The following IKZF1 variants were observed in gnomAD, a reference collection of about 807,000 sequenced individuals.
IKZF1 encodes DNA-binding protein Ikaros.
A neutral mutation model predicts 51.7 loss-of-function variants in IKZF1; 10 were observed. The observed-to-expected ratio is 0.19, with a 90% CI of 0.12 to 0.33. IKZF1 has a LOEUF of 0.33. IKZF1 is among the 10% of genes least tolerant of loss of function. IKZF1 has a pLI of 1.00. For missense variants in IKZF1, 484 were observed against 707.5 expected (o/e 0.68, Z 3.58); for synonymous variants, 280 against 282.3 (o/e 0.99, Z 0.08).
In IKZF1 at chr7:50,305,335, A is replaced by G. The variant is rs1000179738; in HGVS notation, c.-15+413A>G. ...ATCGAGTCTGAACTTAATTTCTGCA[A>G]GAGAGGAATTATCCCGGCTTTGAAA... is the stretch of plus-strand genomic sequence containing the variant. On this transcript the variant is annotated intron_variant, in intron 1 of 7. Transcript: ENST00000331340. Among the ~76,000 whole-genome samples, 3 of 152,206 alleles carry G rather than the reference A, an allele frequency of 2.0e-5. No individual in the cohort carries two copies. In the East Asian group the frequency reaches 5.8e-4, roughly 29 times the overall value.
At chr7:50,379,297 C>A (rs1328955529) in intron 4 of IKZF1, among the ~76,000 whole-genome samples, 1 of 152,190 alleles carries the variant, frequency 6.6e-6, no homozygotes. Flanking sequence ...TGCACTGTGG[C>A]CATTGTTCCT....
chr7:50,323,567 C>T lies in IKZF1; in HGVS notation c.41-4071C>T, dbSNP rs186988743. On this transcript the variant is annotated intron_variant, in intron 2 of 7. Coordinates refer to ENST00000331340, the MANE Select transcript of IKZF1 (RefSeq NM_006060.6). ...CTCATAGGTAATGCTTTATTTGAAA[C>T]ATAGGCCATAGGTAAGTTAAGTGTA... Among the ~76,000 whole-genome samples, 95 of 152,336 alleles carry T rather than the reference C, an allele frequency of 6.2e-4. 1 individual carries two copies. Among genetic ancestry groups the T allele is most frequent in the African/African-American group, 2.1e-3 (88 of 41,568 alleles).
rs567729072 is a variant in IKZF1 at position 50,370,936 on chromosome 7, C to T, written c.161-5597C>T. On this transcript the variant is annotated intron_variant, in intron 3 of 7. Coordinates refer to ENST00000331340, the MANE Select transcript of IKZF1 (RefSeq NM_006060.6). ...TACCACAGCTAAGCAGTTCCAGCTC[C>T]GAGTAACAGAGGAAGGAGTGAGCGA... Among the ~76,000 whole-genome samples, 9 of 152,210 alleles carry T rather than the reference C, an allele frequency of 5.9e-5. No individual in the cohort carries two copies. The South Asian group carries it at 1.0e-3, about 18-fold the overall frequency.
intron 3 of IKZF1, among the ~76,000 whole-genome samples, chr7:50,363,443 A>G (rs1805858587): frequency 6.6e-6 from 1 of 152,102 alleles, no homozygotes; most frequent in Non-Finnish European, 1.5e-5. Context: ...CATCATCAGG[A>G]CTGACTGCAG....
rs1818002573 is a variant in IKZF1 at position 50,400,893 on chromosome 7, G to A, written c.*266G>A. The A allele has an allele frequency of 5.8e-6, 3 of 515,330 alleles. No individual in the cohort carries two copies. Among genetic ancestry groups the A allele is most frequent in the Non-Finnish European group, 1.0e-5 (3 of 291,552 alleles). 31.9% of individuals were successfully genotyped at this position (515,330 alleles called of 1,614,324 possible). A position where few individuals can be genotyped will look rare whatever the true frequency, so the allele number is the denominator to read the frequency against. ...GATGTTTCCCCAGACCGCTGGCTGAGATTCCCTCACCTGTCGCTTCCTAGA... is the reference window on the plus strand; with the variant it reads ...GATGTTTCCCCAGACCGCTGGCTGAAATTCCCTCACCTGTCGCTTCCTAGA... On this transcript the variant is annotated 3_prime_UTR_variant, in exon 8 of 8. Transcript: ENST00000331340. The surrounding 1 kb of genome is among the most constrained non-coding windows in gnomAD (Gnocchi z 5.4).
chr7:50,337,371 G>A (rs1798046789), intron 3 of IKZF1, among the ~76,000 whole-genome samples: 1 of 152,122 alleles, frequency 6.6e-6, no homozygotes, highest in African/African-American at 2.4e-5. Context: ...GCTGGGCCTG[G>A]GCCTGGACTA....
intron 4 of IKZF1, among the ~76,000 whole-genome samples, chr7:50,381,057 A>G (rs895484080): frequency 6.6e-6 from 1 of 152,200 alleles, no homozygotes; most frequent in African/African-American, 2.4e-5. Context: ...ATTGGCCTAT[A>G]ATTGAACATC....
intron 3 of IKZF1, among the ~76,000 whole-genome samples, chr7:50,356,319 C>G (rs896285240): frequency 6.6e-6 from 1 of 152,206 alleles, no homozygotes; most frequent in African/African-American, 2.4e-5. Flanking sequence ...GACAGATGGT[C>G]TGGAGCCAGC....
intron 3 of IKZF1, among the ~76,000 whole-genome samples, chr7:50,352,267 C>G (rs774897260): frequency 3.8e-4 from 58 of 152,330 alleles, no homozygotes; most frequent in Middle Eastern, 3.4e-3. Flanking sequence ...TTTGAATTCT[C>G]TTATCTGCTT....
intron 1 of IKZF1, among the ~76,000 whole-genome samples, chr7:50,309,134 G>A (rs916599618): frequency 1.3e-5 from 2 of 152,160 alleles, no homozygotes; most frequent in African/African-American, 4.8e-5. Context: ...TCGTGGCGCG[G>A]GGCCACGGCT....
At chr7:50,372,337 A>C (rs1584858582) in intron 3 of IKZF1, among the ~76,000 whole-genome samples, 1 of 151,990 alleles carries the variant, frequency 6.6e-6, no homozygotes, top group Non-Finnish European at 1.5e-5. Context: ...GGTGTTGCCC[A>C]CTCTGTTCCC....
At chr7:50,374,719 G>A (rs1036186313) in intron 3 of IKZF1, among the ~76,000 whole-genome samples, 1 of 152,180 alleles carries the variant, frequency 6.6e-6, no homozygotes, top group Non-Finnish European at 1.5e-5. Flanking sequence ...TTAGGCTGGT[G>A]CTATAATAAT....
At chr7:50,352,588 G>A (rs765606553) in intron 3 of IKZF1, among the ~76,000 whole-genome samples, 13 of 152,162 alleles carry the variant, frequency 8.5e-5, no homozygotes, top group African/African-American at 2.7e-4. Context: ...TCAATGGGAC[G>A]GGATGGGATT....
chr7:50,362,509 A>G (rs924137794), intron 3 of IKZF1, among the ~76,000 whole-genome samples: 6 of 152,140 alleles, frequency 3.9e-5, no homozygotes, highest in African/African-American at 9.7e-5. Flanking sequence ...AGCTAATCCT[A>G]TGGGTCTTGA....
chr7:50,400,091 C>T lies in IKZF1; in HGVS notation c.1024C>T (p.Pro342Ser), dbSNP rs2153518061. The change falls in exon 8 of 8, where the codon CCG (proline) becomes TCG (serine). Residue 342 changes from proline (P) to serine (S), a missense_variant. Around this residue, in one of 6 missense-constraint regions of IKZF1, gnomAD observed 172 missense variants for 192.7 expected, o/e 0.89. Coordinates refer to ENST00000331340, the MANE Select transcript of IKZF1 (RefSeq NM_006060.6). This position sits in a 1 kb window ranked among gnomAD's most constrained non-coding sequence, Gnocchi z 5.4. The part of the protein sequence containing the change: ...QTPPGGSEVV[P>S]VISPMYQLHK... ...GCCCCCGGGCGGTTCCGAGGTGGTC[C>T]CGGTCATCAGCCCGATGTACCAGCT... is the stretch of plus-strand genomic sequence containing the variant. 1 of 1,572,282 alleles carries T rather than the reference C, an allele frequency of 6.4e-7. No homozygotes were observed. The highest frequency in any genetic ancestry group is 8.6e-7 in the Non-Finnish European group (1 of 1,161,276).
chr7:50,373,010 T>G (rs1327633041), intron 3 of IKZF1, among the ~76,000 whole-genome samples: 1 of 152,238 alleles, frequency 6.6e-6, no homozygotes, highest in Non-Finnish European at 1.5e-5. Flanking sequence ...TCAGTGACAG[T>G]GTCATTGAGG....
chr7:50,404,054 A>G lies in IKZF1; in HGVS notation c.*3427A>G. 1 of 215,718 alleles carries G rather than the reference A, an allele frequency of 4.6e-6. No homozygotes were observed. The highest frequency in any genetic ancestry group is 9.4e-6 in the Non-Finnish European group (1 of 106,618). 13.4% of individuals were successfully genotyped at this position (215,718 alleles called of 1,614,324 possible). On this transcript the variant is annotated 3_prime_UTR_variant, in exon 8 of 8. Coordinates refer to ENST00000331340, the MANE Select transcript of IKZF1 (RefSeq NM_006060.6). ...AAATTATTAGACTTATTTAAGATGT[A>G]CAGGCATCAGAAAAAAGAAGCACAT...
At chr7:50,354,551 C>A (rs1042581350) in intron 3 of IKZF1, among the ~76,000 whole-genome samples, 14 of 152,206 alleles carry the variant, frequency 9.2e-5, no homozygotes, top group Non-Finnish European at 1.9e-4. Context: ...AAAGACAGGG[C>A]AGCAGTCTTT....
upstream of IKZF1, among the ~76,000 whole-genome samples, chr7:50,303,613 C>T (rs147552914): frequency 8.2e-3 from 1,249 of 152,210 alleles, 5 homozygotes; most frequent in Middle Eastern, 0.041. This position sits in a 1 kb window ranked among gnomAD's most constrained non-coding sequence, Gnocchi z 4.7. Context: ...TTTCCCACCC[C>T]CTCGGGTGGG....
Sources: gnomAD v4.1 joint callset for allele counts (sites outside exome capture counted in the v4.1 genomes callset) on GRCh38, gnomAD v4.1.1 for gene constraint, gnomAD v4.1.1 regional missense constraint, Gnocchi (gnomAD v3.1) non-coding constraint, MANE v1.5 for transcripts, NCBI Gene and HGNC (gene_info 2026-07-23, HGNC 2026-07-21) for gene names.